The following RBM33 variants were observed in gnomAD, a reference collection of about 807,000 sequenced individuals.
RBM33 encodes RNA binding motif protein 33.
A neutral mutation model predicts 132.6 loss-of-function variants in RBM33; 28 were observed. That is an observed-to-expected ratio of 0.21 (90% CI 0.16 to 0.29). RBM33 has a LOEUF of 0.29. RBM33 is among the 10% of genes least tolerant of loss of function. The pLI is 1.00. For synonymous variants in RBM33, 634 were observed against 593.0 expected (o/e 1.07, Z -1.01); for missense variants, 1,291 against 1,518.5 (o/e 0.85, Z 2.49).
intron 5 of RBM33, among the ~76,000 whole-genome samples, chr7:155,696,024 C>A (rs1441060155): frequency 6.6e-6 from 1 of 151,992 alleles, no homozygotes; most frequent in African/African-American, 2.4e-5. Context: ...CTTTCCTTTC[C>A]CTTTGGAGTG....
At chr7:155,655,534 C>CTTTTTCTTT (rs1798469417) in intron 1 of RBM33, among the ~76,000 whole-genome samples, 1 of 80,114 alleles carries the variant, frequency 1.2e-5, no homozygotes, top group Non-Finnish European at 2.2e-5. Flanking sequence ...GGCTGTTTGC[C>CTTTTTCTTT]TTTTTTTTTT....
rs532358707 is a variant in RBM33 at position 155,739,861 on chromosome 7, G to A, written c.1884G>A (p.Gln628=). 3 of 1,176,394 alleles carry A rather than the reference G, an allele frequency of 2.6e-6. No homozygotes were observed. The highest frequency in any genetic ancestry group is 4.0e-5 in the African/African-American group (2 of 49,594). The allele number at this position is 1,176,394 out of a possible 1,614,324, so 72.9% of individuals were successfully genotyped here. ...AGCCCCCACCCCAGCACCCACCACA[G>A]CACCCGCCGCAGCACCAGCACCACC... ...QHQPPPQHPP[Q]HPPQHQHHHH... The change falls in exon 12 of 18, where the codon CAG becomes CAA. Residue 628 remains glutamine, a synonymous_variant. Transcript: ENST00000401878.
intron 6 of RBM33, among the ~76,000 whole-genome samples, chr7:155,704,962 T>A (rs909226687): frequency 2.0e-5 from 3 of 152,206 alleles, no homozygotes; most frequent in African/African-American, 7.2e-5. Flanking sequence ...AGTTGTCTTT[T>A]AAAAAAAAGT....
At chr7:155,693,044 T>A (rs1799690147) in intron 5 of RBM33, among the ~76,000 whole-genome samples, 1 of 152,148 alleles carries the variant, frequency 6.6e-6, no homozygotes, top group South Asian at 2.1e-4. Flanking sequence ...CAGCTCCCCC[T>A]GTAACTGCAA....
At chr7:155,718,186 A>G (rs1800520065) in intron 8 of RBM33, among the ~76,000 whole-genome samples, 199 bp from the exon 9 acceptor site, 1 of 152,212 alleles carries the variant, frequency 6.6e-6, no homozygotes, top group Non-Finnish European at 1.5e-5. Context: ...ACTGCTGTGT[A>G]CCGAAAAGGA....
At chr7:155,686,103 T>C (rs561881019) in intron 5 of RBM33, among the ~76,000 whole-genome samples, 1 of 152,330 alleles carries the variant, frequency 6.6e-6, no homozygotes, top group Non-Finnish European at 1.5e-5. Context: ...TTTGAAATAA[T>C]TTGAAACTTA....
chr7:155,709,279 A>G (rs1320360731), intron 7 of RBM33, among the ~76,000 whole-genome samples: 2 of 152,174 alleles, frequency 1.3e-5, no homozygotes, highest in African/African-American at 4.8e-5. Context: ...TGGATGGATT[A>G]TAAAAAGCTA....
rs369707880 is a variant in RBM33 at position 155,711,232 on chromosome 7, G to A, written c.978G>A (p.Pro326=). 1.9e-4 allele frequency: 293 copies of A among 1,582,718 alleles called. 4 individuals are homozygous for A. In the South Asian group the frequency reaches 2.7e-3, roughly 15 times the overall value. ...VPQAPPPPPP[P]PQQQPIRSLF... ...AGGCTCCCCCTCCACCGCCACCGCC[G>A]CCTCAGCAGCAGCCGATCAGAAGCC... is the stretch of plus-strand genomic sequence containing the variant. Residue 326 remains proline, a synonymous_variant, in exon 8 of 18, where the codon CCG becomes CCA. Coordinates refer to ENST00000401878, the MANE Select transcript of RBM33 (RefSeq NM_053043.3).
chr7:155,662,305 G>GGGGC (rs1388625495), intron 1 of RBM33, among the ~76,000 whole-genome samples: 1 of 152,140 alleles, frequency 6.6e-6, no homozygotes, highest in Non-Finnish European at 1.5e-5. Context: ...GACCCAAGCA[G>GGGGC]GGGCCCTCCT....
chr7:155,657,871 GA>G (rs201791262), intron 1 of RBM33, among the ~76,000 whole-genome samples: 44 of 92,202 alleles, frequency 4.8e-4, no homozygotes, highest in African/African-American at 1.2e-3. Context: ...AATTCATTAA[GA>G]ACTATTTTTT....
At chr7:155,701,028 A>G in intron 6 of RBM33, 84 bp downstream of exon 6, 1 of 1,263,148 alleles carries the variant, frequency 7.9e-7, no homozygotes, top group African/African-American at 1.5e-5. Flanking sequence ...CAAAGTAGGC[A>G]AAGAAGGTTG....
chr7:155,648,458 G>A (rs1045165968), intron 1 of RBM33, among the ~76,000 whole-genome samples: 26 of 152,188 alleles, frequency 1.7e-4, no homozygotes, highest in African/African-American at 6.3e-4. Flanking sequence ...AGGAAAGTAT[G>A]AAGCATGGTG....
intron 3 of RBM33, among the ~76,000 whole-genome samples, chr7:155,673,940 G>GTTGTTGTTGTTTTTTTGTTTTT: frequency 5.5e-5 from 3 of 54,214 alleles, no homozygotes; most frequent in African/African-American, 2.5e-4. Context: ...TTTAGGCTTA[G>GTTGTTGTTGTTTTTTTGTTTTT]TTTTTTTTTT....
intron 3 of RBM33, among the ~76,000 whole-genome samples, chr7:155,673,940 G>GTTTTTTTTTTTTTTTTTTTTT (rs71186053): frequency 1.1e-4 from 6 of 54,194 alleles, no homozygotes; most frequent in Non-Finnish European, 1.3e-4. Context: ...TTTAGGCTTA[G>GTTTTTTTTTTTTTTTTTTTTT]TTTTTTTTTT....
At chr7:155,663,001 A>G (rs1798697241) in intron 1 of RBM33, among the ~76,000 whole-genome samples, 1 of 152,180 alleles carries the variant, frequency 6.6e-6, no homozygotes, top group Non-Finnish European at 1.5e-5. Context: ...GATTTTTGGT[A>G]GATTTCTGGA....
At chr7:155,660,249 G>A (rs180897350) in intron 1 of RBM33, among the ~76,000 whole-genome samples, 1 of 152,188 alleles carries the variant, frequency 6.6e-6, no homozygotes, top group Non-Finnish European at 1.5e-5. Flanking sequence ...AAGTTTTAAA[G>A]TTTTTTGTAG....
intron 9 of RBM33, among the ~76,000 whole-genome samples, chr7:155,727,247 G>A (rs940815897): frequency 6.6e-6 from 1 of 152,198 alleles, no homozygotes; most frequent in Non-Finnish European, 1.5e-5. Context: ...GCCAGCTGAG[G>A]TATCCCCCAG....
intron 15 of RBM33, among the ~76,000 whole-genome samples, chr7:155,766,115 T>A (rs1802207548): frequency 6.6e-6 from 1 of 152,034 alleles, no homozygotes; most frequent in Non-Finnish European, 1.5e-5. Context: ...CAGGACAGGA[T>A]CCAAATTCTG....
In RBM33 at chr7:155,723,574, G is replaced by A. The variant is rs149088835; in HGVS notation, c.1260+5131G>A. On this transcript the variant is annotated intron_variant, in intron 9 of 17. Transcript: ENST00000401878. ...ATCATATCAATGAATTCCCATCTGCGGCAGTAACGAGCAGCTAAACACTAT... is the reference window on the plus strand; with the variant it reads ...ATCATATCAATGAATTCCCATCTGCAGCAGTAACGAGCAGCTAAACACTAT... 4.9e-3 allele frequency among the ~76,000 whole-genome samples: 742 copies of A among 152,202 alleles called. 8 individuals carry two copies. Among genetic ancestry groups the A allele is most frequent in the African/African-American group, 0.016 (656 of 41,510 alleles).
Sources: allele counts gnomAD v4.1 joint callset (sites outside exome capture counted in the v4.1 genomes callset), GRCh38; gene constraint gnomAD v4.1.1; transcripts MANE v1.5; gene names NCBI Gene and HGNC (gene_info 2026-07-23, HGNC 2026-07-21).